The following PRR5L variants were observed in gnomAD, a reference collection of about 807,000 sequenced individuals.
PRR5L encodes the protein proline-rich protein 5-like.
A neutral mutation model predicts 36.4 loss-of-function variants in PRR5L; 21 were observed. The observed-to-expected ratio is 0.58, with a 90% confidence interval of 0.41 to 0.83. PRR5L has a LOEUF of 0.83. Ranked by LOEUF, PRR5L falls within the 40% of genes least tolerant of loss-of-function variation. The pLI, the probability that PRR5L is intolerant of heterozygous loss-of-function variation, is 0.00. For synonymous variants in PRR5L, 188 were observed against 197.0 expected, an observed-to-expected ratio of 0.95 and a Z score of 0.38; for missense variants, 381 against 473.3, an observed-to-expected ratio of 0.80 and a Z score of 1.81.
At chr11:36,360,081 A>C (rs915457664) in intron 1 of PRR5L, among the ~76,000 whole-genome samples, 5 of 151,574 alleles carry the variant, frequency 3.3e-5, no homozygotes, top group African/African-American at 1.2e-4. Flanking sequence ...ACACCCACAC[A>C]CACACACACA....
At position 36,435,868 on chromosome 11, in the gene PRR5L, G is replaced by T. The variant is rs140639468; in HGVS notation, c.353-1517G>T. 1.0e-3 allele frequency among the ~76,000 whole-genome samples: 158 copies of T among 152,278 alleles called. 1 individual carries two copies. Among genetic ancestry groups the T allele is most frequent in the African/African-American group, 3.6e-3 (151 of 41,548 alleles). On this transcript the variant is annotated intron_variant, in intron 5 of 8. Transcript: ENST00000530639. The stretch of plus-strand genomic sequence containing the variant: ...GGCACTTTCCATCCATTCACGCAAA[G>T]ATTTTAAAAGATTGATTTATTGAAG...
rs373626820 is a variant in PRR5L at position 36,437,826 on chromosome 11, A to C, written c.444+350A>C. 5.9e-5 allele frequency among the ~76,000 whole-genome samples: 9 copies of C among 152,096 alleles called. No homozygotes were observed. The East Asian group carries it at 1.6e-3, about 26-fold the overall frequency. On this transcript the variant is annotated intron_variant, in intron 6 of 8. Transcript: ENST00000530639. The stretch of plus-strand genomic sequence containing the variant: ...TTTTCTTTCTTTCTCCCCTGCCTCT[A>C]TCTTTCTTCTCTCCCCCTACTTTTT...
intron 3 of PRR5L, among the ~76,000 whole-genome samples, chr11:36,416,860 A>G (rs1564942341): frequency 6.6e-6 from 1 of 152,012 alleles, no homozygotes; most frequent in Non-Finnish European, 1.5e-5. Flanking sequence ...TCAACTGGGT[A>G]GCATCAGGAT....
intron 1 of PRR5L, among the ~76,000 whole-genome samples, chr11:36,324,059 G>A (rs1175424118): frequency 6.6e-6 from 1 of 152,228 alleles, no homozygotes; most frequent in Admixed American, 6.5e-5. Flanking sequence ...ATATACCCAA[G>A]AGAAATGGGT....
At chr11:36,310,791 G>A (rs1188161934) in intron 1 of PRR5L, among the ~76,000 whole-genome samples, 3 of 152,068 alleles carry the variant, frequency 2.0e-5, no homozygotes, top group Non-Finnish European at 4.4e-5. Flanking sequence ...AAGGTCAGAA[G>A]ATTGAGACCA....
At chr11:36,306,568 G>A (rs542229180) in intron 1 of PRR5L, among the ~76,000 whole-genome samples, 26 of 152,254 alleles carry the variant, frequency 1.7e-4, no homozygotes, top group African/African-American at 5.1e-4. Flanking sequence ...TACTACCTTC[G>A]TTGTTGCTTC....
At chr11:36,385,280 C>T (rs1255977035) in intron 1 of PRR5L, among the ~76,000 whole-genome samples, 1 of 152,168 alleles carries the variant, frequency 6.6e-6, no homozygotes, top group Admixed American at 6.5e-5. Flanking sequence ...GGGGGCCACA[C>T]CCAGACAATA....
intron 1 of PRR5L, among the ~76,000 whole-genome samples, chr11:36,366,411 TGTGA>T (rs372226118): frequency 1.6e-3 from 218 of 138,048 alleles, no homozygotes; most frequent in African/African-American, 4.3e-3. Flanking sequence ...TGTGTGTGTG[TGTGA>T]GAGAGAGAGA....
At chr11:36,362,588 TC>T (rs572944915) in intron 1 of PRR5L, among the ~76,000 whole-genome samples, 377 of 152,252 alleles carry the variant, frequency 2.5e-3, no homozygotes, top group African/African-American at 8.6e-3. Flanking sequence ...TTCTAGCACT[TC>T]TCACACCATG....
intron 1 of PRR5L, among the ~76,000 whole-genome samples, chr11:36,370,649 A>G (rs563939149): frequency 1.4e-4 from 21 of 152,316 alleles, no homozygotes; most frequent in African/African-American, 4.8e-4. Flanking sequence ...TGGGAGGCCA[A>G]CGCGGGCAAA....
intron 6 of PRR5L, among the ~76,000 whole-genome samples, chr11:36,440,642 ATGAC>A (rs1279453015): frequency 2.0e-5 from 3 of 152,238 alleles, no homozygotes; most frequent in Admixed American, 6.5e-5. Context: ...GAGTTAGCTC[ATGAC>A]TGACTGTGTT....
chr11:36,336,258 G>C (rs1856767693), intron 1 of PRR5L, among the ~76,000 whole-genome samples: 1 of 152,040 alleles, frequency 6.6e-6, no homozygotes, highest in Non-Finnish European at 1.5e-5. Flanking sequence ...TTTGAGATGA[G>C]GTCTCTGTTG....
intron 1 of PRR5L, among the ~76,000 whole-genome samples, chr11:36,330,868 T>A (rs1856711565): frequency 4.0e-5 from 6 of 151,854 alleles, no homozygotes; most frequent in Admixed American, 3.3e-4. Context: ...GTTAGAGGTG[T>A]GATCTCGGCT....
At chr11:36,437,332 A>G (rs1858625212) in intron 5 of PRR5L, 53 bp from the exon 6 acceptor site, 2 of 1,179,710 alleles carry the variant, frequency 1.7e-6, no homozygotes, top group Non-Finnish European at 2.5e-6. Flanking sequence ...CCTACAAGTA[A>G]TGACGAATTC....
intron 1 of PRR5L, among the ~76,000 whole-genome samples, chr11:36,358,494 AT>A (rs1245067933): frequency 6.6e-6 from 1 of 152,196 alleles, no homozygotes; most frequent in Non-Finnish European, 1.5e-5. Flanking sequence ...AAGTATGTAC[AT>A]TTTTTAGGCA....
chr11:36,364,864 A>G (rs1307536529), intron 1 of PRR5L, among the ~76,000 whole-genome samples: 3 of 151,988 alleles, frequency 2.0e-5, no homozygotes, highest in Non-Finnish European at 2.9e-5. Context: ...CTAAACCTCA[A>G]TTTGTTTCCT....
chr11:36,432,040 A>G (rs971783236), intron 5 of PRR5L, 130 bp downstream of exon 5: 4 of 678,750 alleles, frequency 5.9e-6, no homozygotes, highest in Admixed American at 2.4e-5. Flanking sequence ...TTTCCTCCCT[A>G]CCTAGGCAGC....
chr11:36,325,998 TA>T (rs1297537326), intron 1 of PRR5L, among the ~76,000 whole-genome samples: 1 of 152,212 alleles, frequency 6.6e-6, no homozygotes, highest in Non-Finnish European at 1.5e-5. Flanking sequence ...ACATTTTTAT[TA>T]TTTTTGGTGA....
intron 3 of PRR5L, among the ~76,000 whole-genome samples, chr11:36,418,407 T>A (rs2133581102): frequency 6.6e-6 from 1 of 152,158 alleles, no homozygotes; most frequent in East Asian, 1.9e-4. Context: ...GAAAAGATGT[T>A]GAATTTGCAG....
Sources: gnomAD v4.1 joint callset for allele counts (sites outside exome capture counted in the v4.1 genomes callset) on GRCh38, gnomAD v4.1.1 for gene constraint, MANE v1.5 for transcripts, NCBI Gene and HGNC (gene_info 2026-07-23, HGNC 2026-07-21) for gene names.